Variants in LGR6 observed in about 807,000 individuals in gnomAD.
The protein encoded by LGR6 is leucine rich repeat containing G protein-coupled receptor 6.
A neutral mutation model predicts 69.4 loss-of-function variants in LGR6; 45 were observed. The ratio of observed to expected loss-of-function variants is 0.65; its 90% confidence interval spans 0.51 to 0.83. The LOEUF (loss-of-function observed/expected upper bound fraction) is 0.83. Among genes scored for constraint, LGR6 ranks in the 40% least tolerant of loss-of-function variants. The pLI, the probability that LGR6 is intolerant of heterozygous loss-of-function variation, is 0.00. For missense variants in LGR6, 1,108 were observed against 1,246.7 expected (o/e 0.89, Z 1.68); for synonymous variants, 538 against 555.0 (o/e 0.97, Z 0.43).
rs986596296 is a variant in LGR6 at position 202,301,146 on chromosome 1, T to C, written c.858-18T>C. 10 of 1,613,562 alleles carry C rather than the reference T, an allele frequency of 6.2e-6. No individual in the cohort carries two copies. Among genetic ancestry groups the C allele is most frequent in the Non-Finnish European group, 8.5e-6 (10 of 1,179,554 alleles). ...GGCCTGAAAAACCCAATTAGGTGTT[T>C]GGACCTTCTTCTTCCAGACACTTTT... On this transcript the variant is annotated intron_variant, in intron 8 of 17. Coordinates refer to ENST00000367278, the MANE Select transcript of LGR6 (RefSeq NM_001017403.2).
At chr1:202,230,089 C>T (rs1558019354) in intron 3 of LGR6, among the ~76,000 whole-genome samples, 1 of 152,088 alleles carries the variant, frequency 6.6e-6, no homozygotes, top group Non-Finnish European at 1.5e-5. Context: ...GGGCCTGGGA[C>T]CCTTATCTGA....
chr1:202,279,229 C>T (rs1016940266), intron 5 of LGR6, among the ~76,000 whole-genome samples: 7 of 152,192 alleles, frequency 4.6e-5, no homozygotes, highest in African/African-American at 1.7e-4. Context: ...AGATCACTCC[C>T]AGAAGGCAGT....
At chr1:202,309,935 G>T (rs973888546) in intron 15 of LGR6, among the ~76,000 whole-genome samples, 1 of 152,238 alleles carries the variant, frequency 6.6e-6, no homozygotes, top group Admixed American at 6.5e-5. Flanking sequence ...ACAATGGGCA[G>T]AATGTTTCTT....
At chr1:202,273,400 C>G (rs1665267374) in intron 4 of LGR6, among the ~76,000 whole-genome samples, 1 of 151,998 alleles carries the variant, frequency 6.6e-6, no homozygotes, top group African/African-American at 2.4e-5. Context: ...TGTGTCAGGC[C>G]CCTCCCTGGC....
intron 16 of LGR6, 36 bp from the exon 17 acceptor site, chr1:202,314,766 A>T: frequency 6.6e-7 from 1 of 1,509,710 alleles, no homozygotes; most frequent in Non-Finnish European, 9.2e-7. Flanking sequence ...TGACACCAAG[A>T]CCCAGGACCC....
chr1:202,224,546 C>T (rs1007037217), intron 1 of LGR6, among the ~76,000 whole-genome samples: 5 of 152,250 alleles, frequency 3.3e-5, no homozygotes, highest in South Asian at 2.1e-4. Context: ...TTTTTTTCCA[C>T]GGACAGGGGT....
chr1:202,306,076 G>A (rs1302068987), intron 12 of LGR6, among the ~76,000 whole-genome samples: 1 of 152,164 alleles, frequency 6.6e-6, no homozygotes, highest in Non-Finnish European at 1.5e-5. Flanking sequence ...GGGCCCAGTG[G>A]GATGGACCGG....
intron 7 of LGR6, 142 bp downstream of exon 7, chr1:202,297,718 C>T (rs141082817): frequency 0.084 from 53,583 of 637,368 alleles, 2,748 homozygotes; most frequent in Middle Eastern, 0.15. Context: ...CCTCCCGCCC[C>T]GGCTCCCCAA....
intron 1 of LGR6, among the ~76,000 whole-genome samples, chr1:202,208,362 A>G (rs1432112414): frequency 6.6e-6 from 1 of 151,968 alleles, no homozygotes; most frequent in Non-Finnish European, 1.5e-5. Flanking sequence ...ATGATGGTGT[A>G]TAAAGAAAGA....
chr1:202,214,181 A>G, intron 1 of LGR6: 1 of 1,528,932 alleles, frequency 6.5e-7, no homozygotes, highest in South Asian at 1.3e-5. Flanking sequence ...AGGGCCGCTC[A>G]GCGAGGGCGG....
intron 4 of LGR6, among the ~76,000 whole-genome samples, chr1:202,276,054 A>G (rs994193695): frequency 6.6e-6 from 1 of 152,190 alleles, no homozygotes; most frequent in Non-Finnish European, 1.5e-5. Flanking sequence ...AGATTGTGCC[A>G]CTGCACTTCA....
chr1:202,209,203 T>C (rs61821575), intron 1 of LGR6, among the ~76,000 whole-genome samples: 15,120 of 152,118 alleles, frequency 0.099, 1,122 homozygotes, highest in African/African-American at 0.2. Context: ...GTTAGCCCCA[T>C]AGGCAATGGT....
chr1:202,207,500 A>AG (rs1356684297), intron 1 of LGR6, among the ~76,000 whole-genome samples: 3 of 152,140 alleles, frequency 2.0e-5, no homozygotes, highest in African/African-American at 7.2e-5. Context: ...TCTGGGAATG[A>AG]GGCAGTTGTC....
intron 17 of LGR6, 130 bp downstream of exon 17, chr1:202,315,012 G>C: frequency 1.5e-6 from 1 of 674,044 alleles, no homozygotes; most frequent in East Asian, 2.7e-5. Flanking sequence ...CCTGCTGCAA[G>C]AGGGCCCTCC....
intron 6 of LGR6, among the ~76,000 whole-genome samples, chr1:202,282,827 T>C (rs1050176803): frequency 6.6e-6 from 1 of 152,190 alleles, no homozygotes; most frequent in Admixed American, 6.5e-5. Flanking sequence ...TACAGAGCAA[T>C]CCTGCCGCTA....
chr1:202,276,205 C>G (rs1665538225), intron 4 of LGR6, 101 bp from the exon 5 acceptor site: 1 of 875,392 alleles, frequency 1.1e-6, no homozygotes. Context: ...TCCCAGGGAG[C>G]CTCAAAGGCC....
At position 202,318,111 on chromosome 1, in the gene LGR6, C is replaced by A; in HGVS notation, c.1808C>A (p.Ala603Glu). ...CCCCCGGTCAAGTTTGTGGTAGGTG[C>A]GATTGCAGGCGCCAACACCTTGACT... Reference protein sequence around the residue: ...PLPPVKFVVGAIAGANTLTGI... With the variant: ...PLPPVKFVVGEIAGANTLTGI... The change falls in exon 18 of 18, where the codon GCG becomes GAG. Residue 603 changes from alanine (A) to glutamate (E), a missense_variant. Physicochemically the swap from Ala to Glu is moderately radical, Grantham distance 107. Transcript: ENST00000367278. The A allele has an allele frequency of 2.5e-6, 4 of 1,614,152 alleles. No individual in the cohort carries two copies. The highest frequency in any genetic ancestry group is 3.4e-6 in the Non-Finnish European group (4 of 1,180,016).
In LGR6 at chr1:202,318,869, G is replaced by A. The variant is rs745696363; in HGVS notation, c.2566G>A (p.Ala856Thr). The change falls in exon 18 of 18, where the codon GCC becomes ACC. Residue 856 changes from alanine (A) to threonine (T), a missense_variant. Transcript: ENST00000367278. ...GDSGPLAYAA[A>T]GELEKSSCDS... ...CTCAGGGCCCCTAGCCTATGCTGCG[G>A]CCGGGGAGCTGGAGAAGAGCTCCTG... 3 of 1,613,870 alleles carry A rather than the reference G, an allele frequency of 1.9e-6. No individual in the cohort carries two copies. The highest frequency in any genetic ancestry group is 2.5e-6 in the Non-Finnish European group (3 of 1,179,906).
In LGR6 at chr1:202,194,306, C is replaced by T. The variant is rs1658550394; in HGVS notation, c.212+105C>T. 5 of 755,786 alleles carry T rather than the reference C, an allele frequency of 6.6e-6. No homozygotes were observed. The South Asian group carries it at 8.0e-5, about 12-fold the overall frequency. The allele number at this position is 755,786 out of a possible 1,614,324, so 46.8% of individuals were successfully genotyped here. On this transcript the variant is annotated intron_variant, in intron 1 of 17. Coordinates refer to ENST00000367278, the MANE Select transcript of LGR6 (RefSeq NM_001017403.2). The stretch of plus-strand genomic sequence containing the variant: ...CTTGCTTGGTGCCCTGGGGCATGGG[C>T]ATCCCGGAGAGGGTTTGCCCCCTTC...
Sources: gnomAD v4.1 joint callset for allele counts (sites outside exome capture counted in the v4.1 genomes callset) on GRCh38, gnomAD v4.1.1 for gene constraint, MANE v1.5 for transcripts, NCBI Gene and HGNC (gene_info 2026-07-23, HGNC 2026-07-21) for gene names.